The following CAV2 variants were observed in gnomAD, a reference collection of about 807,000 sequenced individuals.
The protein encoded by CAV2 is caveolin 2.
A neutral mutation model predicts 15.5 loss-of-function variants in CAV2; 7 were observed. That is an observed-to-expected ratio of 0.45 (90% CI 0.26 to 0.85). The LOEUF is 0.85. Ranked by LOEUF, CAV2 falls within the 40% of genes least tolerant of loss-of-function variation. The pLI, the probability that CAV2 is intolerant of heterozygous loss-of-function variation, is 0.18. For synonymous variants in CAV2, 76 were observed against 83.1 expected (o/e 0.91, Z 0.46); for missense variants, 229 against 208.8 (o/e 1.10, Z -0.60).
intron 2 of CAV2, 70 bp from the exon 3 acceptor site, chr7:116,505,901 A>G (rs1177687495): frequency 2.0e-6 from 2 of 1,007,646 alleles, no homozygotes; most frequent in East Asian, 2.5e-5. Flanking sequence ...TTATCTTTTC[A>G]TACATGTACA....
intron 1 of CAV2, 33 bp downstream of exon 1, chr7:116,499,964 G>C (rs371624407): frequency 6.2e-7 from 1 of 1,601,430 alleles, no homozygotes; most frequent in South Asian, 1.1e-5. Flanking sequence ...CCAAGTCCCC[G>C]CTGAGGCCGG....
rs754748732 is a variant in CAV2, at chr7:116,500,288, C to T, written c.179C>T (p.Pro60Leu). ...GGCTTCGAGGATGTGATCGCAGAGC[C>T]GGTGACTACGCACTCCTTTGACAAA... The part of the protein sequence containing the change: ...KLGFEDVIAE[P>L]VTTHSFDKVW... Residue 60 changes from proline to leucine, a missense_variant, in exon 2 of 3, where the codon CCG becomes CTG. Coordinates refer to ENST00000222693, the MANE Select transcript of CAV2 (RefSeq NM_001233.5). The T allele has an allele frequency of 3.0e-5, 48 of 1,614,004 alleles. No homozygotes were observed. Among genetic ancestry groups the T allele is most frequent in the Non-Finnish European group, 2.7e-5 (32 of 1,179,978 alleles).
At chr7:116,500,066 G>A in intron 1 of CAV2, 135 bp downstream of exon 1, 1 of 1,470,070 alleles carries the variant, frequency 6.8e-7, no homozygotes, top group Non-Finnish European at 9.0e-7. Flanking sequence ...CCCTTCCCCG[G>A]TCCCACCCGT....
chr7:116,505,931 A>G (rs1424549203), intron 2 of CAV2, 40 bp from the exon 3 acceptor site: 5 of 1,437,522 alleles, frequency 3.5e-6, no homozygotes, highest in Non-Finnish European at 4.9e-6. Context: ...TTATTTGGTA[A>G]CAGCAACAAT....
intron 2 of CAV2, among the ~76,000 whole-genome samples, chr7:116,503,965 GAA>G (rs1793169885): frequency 7.1e-6 from 1 of 140,800 alleles, no homozygotes. Flanking sequence ...AAGAAAAAGA[GAA>G]AGAAGGAAAG....
chr7:116,502,595 T>C (rs961530243), intron 2 of CAV2, among the ~76,000 whole-genome samples: 2 of 152,234 alleles, frequency 1.3e-5, no homozygotes, highest in Admixed American at 6.5e-5. Flanking sequence ...TTTTTTTGTT[T>C]TGTTTTCTTT....
At chr7:116,501,787 A>G (rs1793111508) in intron 2 of CAV2, among the ~76,000 whole-genome samples, 1 of 152,256 alleles carries the variant, frequency 6.6e-6, no homozygotes, top group African/African-American at 2.4e-5. Context: ...TAAAGGATAC[A>G]CAAAGAACAC....
chr7:116,502,263 A>G (rs1793121830), intron 2 of CAV2, among the ~76,000 whole-genome samples: 1 of 152,198 alleles, frequency 6.6e-6, no homozygotes, highest in Non-Finnish European at 1.5e-5. Context: ...TCTTCTGAGA[A>G]TGGGAGGTGT....
chr7:116,504,850 T>C (rs10253097), intron 2 of CAV2, among the ~76,000 whole-genome samples: 25,293 of 152,270 alleles, frequency 0.17, 2,288 homozygotes, highest in Middle Eastern at 0.23. Flanking sequence ...AGTTTTCTTG[T>C]GTAAAAGTTC....
At chr7:116,499,957 A>G (rs1793052154) in intron 1 of CAV2, 26 bp downstream of exon 1, 17 of 1,605,558 alleles carry the variant, frequency 1.1e-5, no homozygotes, top group African/African-American at 6.7e-5. Flanking sequence ...GGCGGGCCCA[A>G]GTCCCCGCTG....
At chr7:116,503,853 G>A (rs903113501) in intron 2 of CAV2, among the ~76,000 whole-genome samples, 2 of 137,454 alleles carry the variant, frequency 1.5e-5, no homozygotes, top group East Asian at 4.7e-4. Flanking sequence ...GAAGGGAAGA[G>A]GAGGGGAGGG....
Position 116,500,326 on chromosome 7 carries a change from A to C in CAV2, c.217A>C (p.Ser73Arg). Residue 73 changes from serine to arginine, a missense_variant, in exon 2 of 3, where the codon AGC becomes CGC. Transcript: ENST00000222693. ...CTCCTTTGACAAAGTGTGGATCTGC[A>C]GCCATGCCCTCTTTGAAATCAGCAA... ...THSFDKVWIC[S>R]HALFEISKYV... The C allele has an allele frequency of 6.2e-7, 1 of 1,613,898 alleles. No individual in the cohort carries two copies. Among genetic ancestry groups the C allele is most frequent in the Non-Finnish European group, 8.5e-7 (1 of 1,179,930 alleles).
rs202166177 is a variant in CAV2 at position 116,506,180 on chromosome 7, A to G, written c.*59A>G. Reference sequence around the variant, plus strand: ...TGTAATACTTCTTTGTTATTATAACATAAAAGCACCACTGTTCTGTTCATT... The same window carrying G: ...TGTAATACTTCTTTGTTATTATAACGTAAAAGCACCACTGTTCTGTTCATT... On this transcript the variant is annotated 3_prime_UTR_variant, in exon 3 of 3. Coordinates refer to ENST00000222693, the MANE Select transcript of CAV2 (RefSeq NM_001233.5). 273 of 1,548,432 alleles carry G rather than the reference A, an allele frequency of 1.8e-4. No homozygotes were observed. The highest frequency in any genetic ancestry group is 2.2e-4 in the Non-Finnish European group (251 of 1,123,218).
chr7:116,504,247 A>G (rs1457429589), intron 2 of CAV2, among the ~76,000 whole-genome samples: 1 of 152,198 alleles, frequency 6.6e-6, no homozygotes, highest in Non-Finnish European at 1.5e-5. Flanking sequence ...TCAGGGGTAC[A>G]TAATAAATGT....
intron 2 of CAV2, among the ~76,000 whole-genome samples, chr7:116,504,254 A>G (rs1271339999): frequency 6.6e-6 from 1 of 152,204 alleles, no homozygotes; most frequent in Non-Finnish European, 1.5e-5. Context: ...TACATAATAA[A>G]TGTCAATCCT....
chr7:116,505,689 A>G (rs1793216229), intron 2 of CAV2, among the ~76,000 whole-genome samples: 1 of 152,152 alleles, frequency 6.6e-6, no homozygotes, highest in South Asian at 2.1e-4. Flanking sequence ...TCACGTTACC[A>G]AGAGGGTGGC....
Position 116,500,269 on chromosome 7 carries a change from G to C in CAV2, c.160G>C (p.Glu54Gln). ...CGTCCTGTCTCCTCAGCTGGGCTTC[G>C]AGGATGTGATCGCAGAGCCGGTGAC... ...RLNSHLKLGF[E>Q]DVIAEPVTTH... is the part of the protein sequence containing the mutation. Residue 54 changes from glutamate (E) to glutamine (Q), a missense_variant, in exon 2 of 3, where the codon GAG becomes CAG. Physicochemically the swap from Glu to Gln is conservative, Grantham distance 29. Coordinates refer to ENST00000222693, the MANE Select transcript of CAV2 (RefSeq NM_001233.5). The C allele has an allele frequency of 6.2e-7, 1 of 1,613,848 alleles. No individual in the cohort carries two copies. Among genetic ancestry groups the C allele is most frequent in the Non-Finnish European group, 8.5e-7 (1 of 1,179,830 alleles).
rs1793241291 is a variant in CAV2, at chr7:116,506,424, AATG to A, written c.*306_*308del. 1 of 250,252 alleles carries A rather than the reference AATG, an allele frequency of 4.0e-6. No homozygotes were observed. The highest frequency in any genetic ancestry group is 1.5e-4 in the South Asian group (1 of 6,634). 15.5% of individuals were successfully genotyped at this position (250,252 alleles called of 1,614,324 possible). The stretch of plus-strand genomic sequence containing the variant: ...ATACATTTTATAATGATGAACTTAT[AATG>A]ATTAAGGGACATTTCTATAAAAATA... On this transcript the variant is annotated 3_prime_UTR_variant, in exon 3 of 3. Transcript: ENST00000222693.
chr7:116,504,013 G>GGAAA lies in CAV2; in HGVS notation c.339-1943_339-1940dup, dbSNP rs577467777. Among the ~76,000 whole-genome samples the GGAAA allele has an allele frequency of 1.3e-3, 173 of 135,108 alleles. 1 individual carries two copies. Among genetic ancestry groups the GGAAA allele is most frequent in the Non-Finnish European group, 2.0e-3 (125 of 63,444 alleles). 88.6% of individuals were successfully genotyped at this position (135,108 alleles called of 152,430 possible). On this transcript the variant is annotated intron_variant, in intron 2 of 2. Transcript: ENST00000222693. ...AAGAAGAAAGAAAAAAGAAAAGAAAGGAAAGAAAGAAAGAAAGAGAAAGAA... is the reference window on the plus strand; with the variant it reads ...AAGAAGAAAGAAAAAAGAAAAGAAAGGAAAGAAAGAAAGAAAGAAAGAGAAAGAA...
Sources: gnomAD v4.1 joint callset for allele counts (sites outside exome capture counted in the v4.1 genomes callset) on GRCh38, gnomAD v4.1.1 for gene constraint, MANE v1.5 for transcripts, NCBI Gene and HGNC (gene_info 2026-07-23, HGNC 2026-07-21) for gene names.